Variants in GNAS observed in about 807,000 individuals in gnomAD.
GNAS encodes GNAS complex locus, also known as protein ALEX.
GNAS carries 8 observed loss-of-function variants against 54.5 expected under a neutral mutation model. The ratio of observed to expected loss-of-function variants is 0.15; its 90% confidence interval spans 0.09 to 0.26. The LOEUF (loss-of-function observed/expected upper bound fraction) is 0.26. Ranked by LOEUF, GNAS falls within the 10% of genes least tolerant of loss-of-function variation. GNAS has a pLI of 1.00. For missense variants in GNAS, 170 were observed against 529.8 expected (o/e 0.32, Z 6.67); for synonymous variants, 204 against 191.4 (o/e 1.07, Z -0.54).
intron 3 of GNAS, chr20:58,899,851 C>G: frequency 1.4e-6 from 1 of 702,580 alleles, no homozygotes; most frequent in East Asian, 2.7e-5. Flanking sequence ...TAGGGCATCT[C>G]AAAGAAACAG....
At chr20:58,877,843 G>A (rs2087932237) in intron 1 of GNAS, among the ~76,000 whole-genome samples, 1 of 152,214 alleles carries the variant, frequency 6.6e-6, no homozygotes, top group Admixed American at 6.5e-5. Flanking sequence ...CCCAAAAGTG[G>A]CCTGAGAATT....
intron 1 of GNAS, among the ~76,000 whole-genome samples, chr20:58,867,734 G>C (rs538902984): frequency 6.6e-6 from 1 of 152,186 alleles, no homozygotes; most frequent in Non-Finnish European, 1.5e-5. Context: ...GCCCCATTTA[G>C]GAATGATTCT....
In GNAS at chr20:58,841,539, G is replaced by T. The variant is rs372052381; in HGVS notation, c.43+653G>T. On this transcript the variant is annotated intron_variant, in intron 1 of 12. Transcript: ENST00000306090. The surrounding 1 kb of genome is among the most constrained non-coding windows in gnomAD (Gnocchi z 5.0). ...GCGCCAGTGCCTCCAGCTGCCGTGC[G>T]CCAGCCTTGGCCGCCACAGCCCGCC... The T allele has an allele frequency of 1.8e-5, 18 of 995,306 alleles. 1 individual carries two copies. The East Asian group carries it at 4.3e-4, about 24-fold the overall frequency. 61.7% of individuals were successfully genotyped at this position (995,306 alleles called of 1,614,324 possible).
At chr20:58,891,922 C>T (rs2089411260) in intron 1 of GNAS, 57 bp downstream of exon 1, 6 of 950,666 alleles carry the variant, frequency 6.3e-6, no homozygotes, top group African/African-American at 1.8e-5. Context: ...GGGCGCCCCG[C>T]AGGCCGCGCG....
Position 58,891,538 on chromosome 20 carries a change from C to T in GNAS, c.-189C>T, listed in dbSNP as rs2145907548. ...CGCCCCTCGGTCCGACCGACACCCT[C>T]CCCTTCCCGCCCGTCCGCGCGCCCC... On this transcript the variant is annotated 5_prime_UTR_variant, in exon 1 of 13. Coordinates refer to ENST00000371085, the MANE Select transcript of GNAS (RefSeq NM_000516.7). 9.2e-6 allele frequency: 9 copies of T among 975,972 alleles called. 1 individual carries two copies. Among genetic ancestry groups the T allele is most frequent in the Non-Finnish European group, 1.1e-5 (9 of 824,642 alleles). 60.5% of individuals were successfully genotyped at this position (975,972 alleles called of 1,614,324 possible). A position where few individuals can be genotyped will look rare whatever the true frequency, so the allele number is the denominator to read the frequency against.
At chr20:58,842,689 C>T (rs1043408037) in intron 1 of GNAS, 3 of 395,760 alleles carry the variant, frequency 7.6e-6, no homozygotes, top group Non-Finnish European at 1.3e-5. Context: ...TTAATGTAAA[C>T]AATGATGGTG....
chr20:58,899,028 C>T (rs564460356), intron 3 of GNAS, 43 bp downstream of exon 3: 1 of 1,490,256 alleles, frequency 6.7e-7, no homozygotes, highest in East Asian at 2.3e-5. Context: ...ACAAACCAAA[C>T]AAACATGAAG....
Position 58,856,881 on chromosome 20 carries a change from C to G in GNAS, c.43+15995C>G, listed in dbSNP as rs546260187. ...TCCTCACCCCACAGCAAGACCCTCT[C>G]CTGTATCTCCCAGTCTTTCCCTGGC... On this transcript the variant is annotated intron_variant, in intron 1 of 12. Transcript: ENST00000306090. The surrounding 1 kb of genome is among the most constrained non-coding windows in gnomAD (Gnocchi z 4.2). 6.6e-6 allele frequency: 1 copy of G among 152,010 alleles called. No individual in the cohort carries two copies. The highest frequency in any genetic ancestry group is 1.9e-4 in the East Asian group (1 of 5,174). The allele number at this position is 152,010 out of a possible 1,614,324, so 9.4% of individuals were successfully genotyped here.
chr20:58,891,953 C>T, intron 1 of GNAS, 88 bp downstream of exon 1: 1 of 839,942 alleles, frequency 1.2e-6, no homozygotes, highest in Non-Finnish European at 1.4e-6. Context: ...GCCCCCCGCC[C>T]CGGGCGCGCG....
chr20:58,855,876 A>C, intron 1 of GNAS: 2 of 527,016 alleles, frequency 3.8e-6, no homozygotes, highest in East Asian at 3.1e-5. Flanking sequence ...CCCCCAAATT[A>C]CCCGCCGACT....
intron 1 of GNAS, among the ~76,000 whole-genome samples, chr20:58,871,124 G>A (rs529685675): frequency 2.6e-5 from 4 of 152,252 alleles, no homozygotes; most frequent in African/African-American, 9.6e-5. Flanking sequence ...CAGTCCTTTC[G>A]CTAGCGGGGA....
At chr20:58,861,571 T>C (rs1041087127) in intron 1 of GNAS, among the ~76,000 whole-genome samples, 19 of 152,206 alleles carry the variant, frequency 1.2e-4, no homozygotes, top group Non-Finnish European at 2.5e-4. Flanking sequence ...AGCCTCTCTT[T>C]GGGAGTTCTG....
At position 58,909,100 on chromosome 20, in the gene GNAS, A is replaced by G; in HGVS notation, c.531-62A>G. ...TGAGCCTGACCTTGTAGAGAGACAC[A>G]AATAGTTGGCAAATTGATGTGAGCG... On this transcript the variant is annotated intron_variant, in intron 6 of 12. Transcript: ENST00000371085. The surrounding 1 kb of genome is among the most constrained non-coding windows in gnomAD (Gnocchi z 7.3). 1 of 1,409,774 alleles carries G rather than the reference A, an allele frequency of 7.1e-7. No individual in the cohort carries two copies. Among genetic ancestry groups the G allele is most frequent in the Non-Finnish European group, 1.0e-6 (1 of 993,974 alleles). 87.3% of individuals were successfully genotyped at this position (1,409,774 alleles called of 1,614,324 possible).
chr20:58,842,228 G>A, intron 1 of GNAS: 1 of 398,506 alleles, frequency 2.5e-6, no homozygotes, highest in East Asian at 3.6e-5. Context: ...TGGGGGGAAA[G>A]ACTGATAAGT....
intron 3 of GNAS, chr20:58,900,128 G>A (rs1471494278): frequency 7.0e-6 from 4 of 571,706 alleles, no homozygotes; most frequent in African/African-American, 3.8e-5. Context: ...TTGAAAAAAC[G>A]AAAAATGAAC....
chr20:58,845,262 T>C (rs1172156104), intron 1 of GNAS, among the ~76,000 whole-genome samples: 3 of 152,218 alleles, frequency 2.0e-5, no homozygotes, highest in African/African-American at 7.2e-5. Context: ...AAGCTAGACC[T>C]GAAAAAAATG....
chr20:58,849,361 C>T (rs183549535), intron 1 of GNAS, among the ~76,000 whole-genome samples: 2 of 152,296 alleles, frequency 1.3e-5, no homozygotes, highest in Admixed American at 6.5e-5. Context: ...CCTGGACTGT[C>T]TCCCTTTTTC....
Position 58,863,968 on chromosome 20 carries a change from A to G in GNAS, c.43+23082A>G, listed in dbSNP as rs1600762414. 1 of 152,554 alleles carries G rather than the reference A, an allele frequency of 6.6e-6. No homozygotes were observed. The highest frequency in any genetic ancestry group is 6.5e-5 in the Admixed American group (1 of 15,300). The allele number at this position is 152,554 out of a possible 1,614,324, so 9.5% of individuals were successfully genotyped here. The stretch of plus-strand genomic sequence containing the variant: ...GGCATTGTAGGACAGTCCAGAACCC[A>G]AGAAGGGCCATGGACAGGACCCTTC... On this transcript the variant is annotated intron_variant, in intron 1 of 12. Transcript: ENST00000306090. This position sits in a 1 kb window ranked among gnomAD's most constrained non-coding sequence, Gnocchi z 4.1.
intron 2 of GNAS, chr20:58,898,053 A>G (rs1043702658): frequency 1.3e-5 from 2 of 152,232 alleles, no homozygotes; most frequent in African/African-American, 4.8e-5. Context: ...ACCTTCAGAA[A>G]TACAGAGGTT....
Sources: allele counts gnomAD v4.1 joint callset (sites outside exome capture counted in the v4.1 genomes callset), GRCh38; gene constraint gnomAD v4.1.1; non-coding constraint Gnocchi (gnomAD v3.1); transcripts MANE v1.5; gene names NCBI Gene and HGNC (gene_info 2026-07-23, HGNC 2026-07-21).